Variants in GRK5 observed in about 807,000 individuals in gnomAD.
GRK5 encodes g protein-coupled receptor kinase GRK5.
GRK5 carries 40 observed loss-of-function variants against 78.4 expected under a neutral mutation model. That is an observed-to-expected ratio of 0.51 (90% CI 0.40 to 0.66). GRK5 has a LOEUF of 0.66. GRK5 is among the 30% of genes least tolerant of loss of function. The pLI is 0.00. For synonymous variants in GRK5, 289 were observed against 296.8 expected, an observed-to-expected ratio of 0.97 and a Z score of 0.27; for missense variants, 598 against 759.9, an observed-to-expected ratio of 0.79 and a Z score of 2.50.
intron 2 of GRK5, among the ~76,000 whole-genome samples, chr10:119,331,500 A>G (rs1850778688): frequency 6.6e-6 from 1 of 152,222 alleles, no homozygotes; most frequent in Non-Finnish European, 1.5e-5. Context: ...CAAACCAAAC[A>G]GTGGCCAATA....
intron 1 of GRK5, among the ~76,000 whole-genome samples, chr10:119,324,433 C>T (rs998608348): frequency 1.3e-5 from 2 of 152,180 alleles, no homozygotes; most frequent in African/African-American, 4.8e-5. Context: ...TTGAGACCGG[C>T]CTGGCCAACA....
intron 1 of GRK5, among the ~76,000 whole-genome samples, chr10:119,315,413 G>A (rs1413964420): frequency 1.3e-5 from 2 of 152,222 alleles, no homozygotes; most frequent in East Asian, 3.8e-4. Context: ...TTCAGCTGGA[G>A]GTGCCTCTCT....
At chr10:119,261,913 GGGGAGAGGGAGAGGGAGAGGGAGA>G (rs142546925) in intron 1 of GRK5, among the ~76,000 whole-genome samples, 1 of 151,710 alleles carries the variant, frequency 6.6e-6, no homozygotes, top group Non-Finnish European at 1.5e-5. Context: ...GGGAGACCAT[GGGGAGAGGGAGAGGGAGAGGGAGA>G]GGGAGAGGAC....
chr10:119,323,867 C>A (rs924170691), intron 1 of GRK5, among the ~76,000 whole-genome samples: 7 of 152,122 alleles, frequency 4.6e-5, no homozygotes, highest in Non-Finnish European at 1.5e-5. Context: ...TCCCCCAAGT[C>A]CCCTGAGTCC....
chr10:119,441,268 A>C (rs1245433276), intron 10 of GRK5, among the ~76,000 whole-genome samples: 2 of 152,162 alleles, frequency 1.3e-5, no homozygotes, highest in Non-Finnish European at 2.9e-5. Context: ...GGGTCTCGAC[A>C]CTGGCCCTTG....
intron 2 of GRK5, among the ~76,000 whole-genome samples, chr10:119,357,505 G>A (rs753630229): frequency 1.3e-5 from 2 of 152,222 alleles, no homozygotes; most frequent in Non-Finnish European, 2.9e-5. Context: ...TGCCTTCCTG[G>A]TTGCCTCCTG....
chr10:119,259,548 T>A (rs1849339680), intron 1 of GRK5, among the ~76,000 whole-genome samples: 1 of 152,214 alleles, frequency 6.6e-6, no homozygotes, highest in African/African-American at 2.4e-5. Context: ...GCCCTCAATT[T>A]AAGTCATCTG....
At chr10:119,252,295 G>A (rs954447413) in intron 1 of GRK5, among the ~76,000 whole-genome samples, 4 of 152,172 alleles carry the variant, frequency 2.6e-5, no homozygotes, top group Non-Finnish European at 4.4e-5. Context: ...GGCCTGCGAC[G>A]GGCAGAGAGC....
At chr10:119,325,642 C>T (rs958102813) in intron 1 of GRK5, among the ~76,000 whole-genome samples, 3 of 152,180 alleles carry the variant, frequency 2.0e-5, no homozygotes, top group Non-Finnish European at 2.9e-5. Context: ...GGCCACATGG[C>T]ACAGCAGTGC....
At chr10:119,366,109 A>C (rs1851444951) in intron 2 of GRK5, among the ~76,000 whole-genome samples, 1 of 152,200 alleles carries the variant, frequency 6.6e-6, no homozygotes, top group Non-Finnish European at 1.5e-5. Context: ...GCCCTGGTGT[A>C]GGTCTCAGCA....
In GRK5 at chr10:119,267,507, G is replaced by T. The variant is rs529639292; in HGVS notation, c.53-59009G>T. On this transcript the variant is annotated intron_variant, in intron 1 of 15. Coordinates refer to ENST00000392870, the MANE Select transcript of GRK5 (RefSeq NM_005308.3). This position sits in a 1 kb window ranked among gnomAD's most constrained non-coding sequence, Gnocchi z 4.1. ...GCAGCAGACTCCTCACCGTGGCCAG[G>T]CAAGGGATTCCCACCCTGGGTTGGG... Among the ~76,000 whole-genome samples, 1 of 152,346 alleles carries T rather than the reference G, an allele frequency of 6.6e-6. No homozygotes were observed. The highest frequency in any genetic ancestry group is 2.1e-4 in the South Asian group (1 of 4,828).
intron 2 of GRK5, among the ~76,000 whole-genome samples, chr10:119,375,466 C>A (rs1008489769): frequency 1.2e-4 from 18 of 152,200 alleles, no homozygotes; most frequent in Non-Finnish European, 2.6e-4. Context: ...TGTCTTGCCC[C>A]CTCTGCCACG....
At chr10:119,288,638 C>T (rs903316108) in intron 1 of GRK5, among the ~76,000 whole-genome samples, 10 of 152,174 alleles carry the variant, frequency 6.6e-5, no homozygotes, top group African/African-American at 1.7e-4. Flanking sequence ...CTGGCTGGAA[C>T]GTGACCCCAC....
chr10:119,244,459 C>T (rs562681319), intron 1 of GRK5, among the ~76,000 whole-genome samples: 1 of 152,342 alleles, frequency 6.6e-6, no homozygotes, highest in African/African-American at 2.4e-5. Flanking sequence ...AGAAGGTATA[C>T]AAATGACTAT....
intron 2 of GRK5, among the ~76,000 whole-genome samples, chr10:119,329,952 T>A (rs915760951): frequency 2.8e-5 from 4 of 143,474 alleles, no homozygotes; most frequent in Non-Finnish European, 6.0e-5. Context: ...AACCTCTGCC[T>A]CCTGGGTTCA....
intron 2 of GRK5, among the ~76,000 whole-genome samples, chr10:119,346,225 GGAAT>G (rs1448513127): frequency 6.6e-6 from 1 of 152,218 alleles, no homozygotes; most frequent in Non-Finnish European, 1.5e-5. Flanking sequence ...AGGGGAAGGA[GGAAT>G]GAATGATGAG....
intron 2 of GRK5, among the ~76,000 whole-genome samples, chr10:119,346,142 T>C (rs1851088388): frequency 1.3e-5 from 2 of 152,196 alleles, no homozygotes. Flanking sequence ...TAACCCCTGT[T>C]ACAATGCCTG....
chr10:119,286,489 G>A (rs185796044), intron 1 of GRK5, among the ~76,000 whole-genome samples: 3 of 152,218 alleles, frequency 2.0e-5, no homozygotes, highest in Admixed American at 6.5e-5. Context: ...ACAGTCACAC[G>A]TGGGGGTCTG....
intron 1 of GRK5, among the ~76,000 whole-genome samples, chr10:119,294,178 C>T (rs893151943): frequency 2.0e-5 from 3 of 152,218 alleles, no homozygotes; most frequent in African/African-American, 7.2e-5. Context: ...GAACATTTCA[C>T]AGACCCAAGT....
Sources: gnomAD v4.1 joint callset for allele counts (sites outside exome capture counted in the v4.1 genomes callset) on GRCh38, gnomAD v4.1.1 for gene constraint, Gnocchi (gnomAD v3.1) non-coding constraint, MANE v1.5 for transcripts, NCBI Gene and HGNC (gene_info 2026-07-23, HGNC 2026-07-21) for gene names.